PRKAG2: variants seen among roughly 807,000 people sequenced by gnomAD.
PRKAG2 encodes the protein 5'-AMP-activated protein kinase subunit gamma-2.
In PRKAG2, 26 loss-of-function variants were observed where a neutral mutation model predicts 69.6. The ratio of observed to expected loss-of-function variants is 0.37; its 90% CI spans 0.27 to 0.52. The LOEUF (loss-of-function observed/expected upper bound fraction) is 0.52. Among genes scored for constraint, PRKAG2 ranks in the 20% least tolerant of loss-of-function variants. The probability of loss-of-function intolerance (pLI) is 0.90; values close to 1 mark genes in which losing one functional copy is unlikely to be tolerated. For missense variants in PRKAG2, 557 were observed against 740.0 expected, an observed-to-expected ratio of 0.75 and a Z score of 2.87; for synonymous variants, 293 against 285.0, an observed-to-expected ratio of 1.03 and a Z score of -0.28.
At chr7:151,687,218 T>A (rs1385063257) in intron 3 of PRKAG2, among the ~76,000 whole-genome samples, 1 of 152,200 alleles carries the variant, frequency 6.6e-6, no homozygotes, top group Non-Finnish European at 1.5e-5. Context: ...TTCTTCACGC[T>A]TGCTTGGAGG....
At position 151,874,324 on chromosome 7, in the gene PRKAG2, TATGTATATG is replaced by T. The variant is rs758296683; in HGVS notation, c.114+2174_114+2182del. ...TGTATATGTATATGTATATGATGTA[TATGTATATG>T]ATGTATATGTATATGTATATGATGT... On this transcript the variant is annotated intron_variant, in intron 1 of 15. Transcript: ENST00000287878. 3.6e-5 allele frequency among the ~76,000 whole-genome samples: 4 copies of T among 111,688 alleles called. No individual in the cohort carries two copies. The Admixed American group carries it at 4.1e-4, about 11-fold the overall frequency. 73.3% of individuals were successfully genotyped at this position (111,688 alleles called of 152,430 possible). A position where few individuals can be genotyped will look rare whatever the true frequency, so the allele number is the denominator to read the frequency against.
intron 1 of PRKAG2, among the ~76,000 whole-genome samples, chr7:151,856,776 A>G (rs995222330): frequency 6.6e-6 from 1 of 152,194 alleles, no homozygotes; most frequent in Non-Finnish European, 1.5e-5. Flanking sequence ...CTCATCAGCC[A>G]CGTGGCCGCC....
chr7:151,740,411 C>T (rs919994566), intron 3 of PRKAG2, among the ~76,000 whole-genome samples: 11 of 152,098 alleles, frequency 7.2e-5, no homozygotes, highest in African/African-American at 2.4e-4. Flanking sequence ...GGCAGCAGCC[C>T]TGCTGATACG....
At position 151,681,990 on chromosome 7, in the gene PRKAG2, C is replaced by T. The variant is rs543710547; in HGVS notation, c.467-6353G>A. Reference sequence around the variant, plus strand: ...GTGAGCTTGGGACCCCATGTGCTTCCTAAGGTGGGACAGCCCCATGTAGGG... The same window carrying T: ...GTGAGCTTGGGACCCCATGTGCTTCTTAAGGTGGGACAGCCCCATGTAGGG... On this transcript the variant is annotated intron_variant, in intron 3 of 15. Coordinates refer to ENST00000287878, the MANE Select transcript of PRKAG2 (RefSeq NM_016203.4). Among the ~76,000 whole-genome samples, 42 of 152,248 alleles carry T rather than the reference C, an allele frequency of 2.8e-4. No homozygotes were observed. The South Asian group carries it at 8.3e-3, about 30-fold the overall frequency.
At chr7:151,800,357 CAAAAAAAAAAA>C (rs398048179) in intron 1 of PRKAG2, among the ~76,000 whole-genome samples, 2 of 104,192 alleles carry the variant, frequency 1.9e-5, no homozygotes, top group Admixed American at 2.0e-4. Context: ...GACTCTGTCT[CAAAAAAAAAAA>C]AAAAAAGAAA....
chr7:151,718,315 C>T (rs1184937485), intron 3 of PRKAG2, among the ~76,000 whole-genome samples: 2 of 152,078 alleles, frequency 1.3e-5, no homozygotes, highest in South Asian at 2.1e-4. Flanking sequence ...TGTAAGGCCA[C>T]AGTCCTATCA....
chr7:151,568,573 A>G (rs1489762878), intron 11 of PRKAG2, 143 bp downstream of exon 11: 1 of 819,134 alleles, frequency 1.2e-6, no homozygotes, highest in Non-Finnish European at 2.0e-6. Context: ...AGAGAGTAGT[A>G]AGTTGAGAAA....
intron 1 of PRKAG2, among the ~76,000 whole-genome samples, chr7:151,864,015 G>A (rs1190179185): frequency 6.6e-6 from 1 of 152,136 alleles, no homozygotes; most frequent in African/African-American, 2.4e-5. Context: ...ACATCGCTTT[G>A]AGCCTTTCCT....
chr7:151,855,772 C>A (rs2079759220), intron 1 of PRKAG2, among the ~76,000 whole-genome samples: 1 of 152,194 alleles, frequency 6.6e-6, no homozygotes, highest in Admixed American at 6.5e-5. Flanking sequence ...GCAGGAACCA[C>A]AGGGATGGGT....
rs1002321343 is a variant in PRKAG2 at position 151,753,393 on chromosome 7, A to T, written c.466+27759T>A. ...AAATATTTAGGGGTAAAGGGATATG[A>T]TGTCTGCAAATTCCTCTCAGGGGTT... On this transcript the variant is annotated intron_variant, in intron 3 of 15. Transcript: ENST00000287878. Among the ~76,000 whole-genome samples, 7 of 152,140 alleles carry T rather than the reference A, an allele frequency of 4.6e-5. No homozygotes were observed. The South Asian group carries it at 6.2e-4, about 14-fold the overall frequency.
At chr7:151,560,672 T>G in intron 14 of PRKAG2, 55 bp from the exon 15 acceptor site, 4 of 1,602,672 alleles carry the variant, frequency 2.5e-6, no homozygotes, top group Non-Finnish European at 2.6e-6. Context: ...AGGTTTAAAA[T>G]GGACATGAGA....
chr7:151,575,905 A>AG (rs1808795637), intron 7 of PRKAG2, among the ~76,000 whole-genome samples: 1 of 151,288 alleles, frequency 6.6e-6, no homozygotes, highest in Non-Finnish European at 1.5e-5. Flanking sequence ...GCAAAAAAAA[A>AG]AAAAAAAAGA....
chr7:151,674,491 G>C (rs1208135750), intron 4 of PRKAG2, among the ~76,000 whole-genome samples: 1 of 152,174 alleles, frequency 6.6e-6, no homozygotes, highest in South Asian at 2.1e-4. Flanking sequence ...CGCTGGGCAC[G>C]GGAATAATAC....
At chr7:151,610,088 C>T (rs1029142286) in intron 5 of PRKAG2, among the ~76,000 whole-genome samples, 1 of 152,212 alleles carries the variant, frequency 6.6e-6, no homozygotes, top group African/African-American at 2.4e-5. Context: ...ACTATAAGAA[C>T]CTTAGTGTGG....
At chr7:151,759,485 C>G (rs927453179) in intron 3 of PRKAG2, among the ~76,000 whole-genome samples, 19 of 152,198 alleles carry the variant, frequency 1.2e-4, no homozygotes, top group African/African-American at 4.6e-4. Context: ...CAGCACTTAG[C>G]AGGTTCTCAT....
chr7:151,616,601 C>T (rs1204832597), intron 5 of PRKAG2, among the ~76,000 whole-genome samples: 1 of 152,218 alleles, frequency 6.6e-6, no homozygotes, highest in Non-Finnish European at 1.5e-5. Context: ...CCAAACACTG[C>T]CCCGTGGCAG....
intron 3 of PRKAG2, among the ~76,000 whole-genome samples, chr7:151,712,941 AG>A (rs1795559952): frequency 6.6e-6 from 1 of 152,222 alleles, no homozygotes; most frequent in African/African-American, 2.4e-5. Context: ...CAGCATGCAA[AG>A]CAAAGACAGG....
intron 5 of PRKAG2, among the ~76,000 whole-genome samples, chr7:151,610,287 T>C (rs1818468697): frequency 6.6e-6 from 1 of 152,132 alleles, no homozygotes; most frequent in South Asian, 2.1e-4. Flanking sequence ...GAGAATGGCG[T>C]CAACCTGGGA....
At chr7:151,701,427 G>A (rs894027378) in intron 3 of PRKAG2, among the ~76,000 whole-genome samples, 2 of 152,166 alleles carry the variant, frequency 1.3e-5, no homozygotes, top group African/African-American at 4.8e-5. Flanking sequence ...GTTGAGATGA[G>A]GTCATACTAG....
Sources: gnomAD v4.1 joint callset for allele counts (sites outside exome capture counted in the v4.1 genomes callset) on GRCh38, gnomAD v4.1.1 for gene constraint, MANE v1.5 for transcripts, NCBI Gene and HGNC (gene_info 2026-07-23, HGNC 2026-07-21) for gene names.